PRR22: variants seen among roughly 807,000 people sequenced by gnomAD.
PRR22 encodes the protein proline-rich protein 22.
In PRR22, 5 loss-of-function variants were observed where a neutral mutation model predicts 7.2. That is an observed-to-expected ratio of 0.69 (90% CI 0.36 to 1.45). The LOEUF (loss-of-function observed/expected upper bound fraction) is 1.45, where lower values mean the gene tolerates loss of function less well. PRR22 is among the 40% of genes most tolerant of loss of function. PRR22 has a pLI of 0.03. For synonymous variants in PRR22, 319 were observed against 269.3 expected (o/e 1.18, Z -1.81); for missense variants, 619 against 568.8 (o/e 1.09, Z -0.90).
In PRR22 at chr19:5,783,647, C is replaced by T; in HGVS notation, c.600G>A (p.Leu200=). The T allele has an allele frequency of 1.9e-6, 3 of 1,581,562 alleles. No individual in the cohort carries two copies. The highest frequency in any genetic ancestry group is 4.5e-5 in the East Asian group (2 of 43,994). ...ENKPPPVLIT[L]PAEPTLPPDA... is the part of the protein sequence containing the mutation. ...CTGGGGGCAGTGTGGGCTCTGCAGG[C>T]AGCGTGATGAGTACAGGGGGCGGCT... is the stretch of plus-strand genomic sequence containing the variant. Residue 200 remains leucine (L), a synonymous_variant, in exon 3 of 3, where the codon CTG becomes CTA. Coordinates refer to ENST00000419421, the MANE Select transcript of PRR22 (RefSeq NM_001134316.2).
In PRR22 at chr19:5,783,154, G is replaced by GCTC; in HGVS notation, c.1090_1092dup (p.Glu364dup). On this transcript the variant is annotated inframe_insertion, in exon 3 of 3. Coordinates refer to ENST00000419421, the MANE Select transcript of PRR22 (RefSeq NM_001134316.2). ...GCAGGGGGCCCCGGGTGGGGCGGCT[G>GCTC]CTCCTCGTCGAGCGCCTTGAAGTTG... 2 of 1,612,550 alleles carry GCTC rather than the reference G, an allele frequency of 1.2e-6. No homozygotes were observed. The highest frequency in any genetic ancestry group is 1.7e-6 in the Non-Finnish European group (2 of 1,179,884).
intron 2 of PRR22, 32 bp downstream of exon 2, chr19:5,784,345 A>G: frequency 6.2e-7 from 1 of 1,603,840 alleles, no homozygotes; most frequent in Non-Finnish European, 8.5e-7. Context: ...ACCCACTCCC[A>G]GCCTCGTCAA....
In PRR22 at chr19:5,783,588, T is replaced by C. The variant is rs763309492; in HGVS notation, c.659A>G (p.His220Arg). ...GGCCAGGGGTTCGGGCCCAGGGAAGTGGCCGAGGTGACCCTGGAGGTGGCT... is the reference window on the plus strand; with the variant it reads ...GGCCAGGGGTTCGGGCCCAGGGAAGCGGCCGAGGTGACCCTGGAGGTGGCT... ...AYSHLQGHLG[H>R]FPGPEPLAFP... The change falls in exon 3 of 3, where the codon CAC becomes CGC. Residue 220 changes from histidine (H) to arginine (R), a missense_variant. Coordinates refer to ENST00000419421, the MANE Select transcript of PRR22 (RefSeq NM_001134316.2). 6.3e-7 allele frequency: 1 copy of C among 1,599,748 alleles called. No individual in the cohort carries two copies. The highest frequency in any genetic ancestry group is 2.3e-5 in the East Asian group (1 of 44,150).
At chr19:5,784,274 G>T (rs556298188) in intron 2 of PRR22, 103 bp downstream of exon 2, 7 of 1,261,042 alleles carry the variant, frequency 5.6e-6, no homozygotes, top group Non-Finnish European at 8.1e-6. Context: ...GGGAGCAGAG[G>T]CCATGCCTTC....
Position 5,783,752 on chromosome 19 carries a change from G to C in PRR22, c.495C>G (p.Pro165=). The change falls in exon 3 of 3, where the codon CCC becomes CCG. Residue 165 remains proline (P), a synonymous_variant. Transcript: ENST00000419421. ...GTAGGGGCAGCTCCACGAAGGCGGC[G>C]GGCCCTGCGTCCCCCACAAAACCCA... The part of the protein sequence containing the change: ...EALGFVGDAG[P]AAFVELPLPP... 2 of 1,489,744 alleles carry C rather than the reference G, an allele frequency of 1.3e-6. No homozygotes were observed. Among genetic ancestry groups the C allele is most frequent in the Admixed American group, 4.9e-5 (2 of 40,928 alleles). 92.3% of individuals were successfully genotyped at this position (1,489,744 alleles called of 1,614,324 possible).
rs752149946 is a variant in PRR22 at position 5,783,757 on chromosome 19, C to T, written c.490G>A (p.Gly164Arg). 2.7e-6 allele frequency: 4 copies of T among 1,487,190 alleles called. No individual in the cohort carries two copies. Among genetic ancestry groups the T allele is most frequent in the Non-Finnish European group, 3.6e-6 (4 of 1,117,638 alleles). The allele number at this position is 1,487,190 out of a possible 1,614,324, so 92.1% of individuals were successfully genotyped here. A position where few individuals can be genotyped will look rare whatever the true frequency, so the allele number is the denominator to read the frequency against. ...PEALGFVGDA[G>R]PAAFVELPLP... Reference sequence around the variant, plus strand: ...GGCAGCTCCACGAAGGCGGCGGGCCCTGCGTCCCCCACAAAACCCAGAGCC... The same window carrying T: ...GGCAGCTCCACGAAGGCGGCGGGCCTTGCGTCCCCCACAAAACCCAGAGCC... Residue 164 changes from glycine (G) to arginine (R), a missense_variant, in exon 3 of 3, where the codon GGG becomes AGG. Coordinates refer to ENST00000419421, the MANE Select transcript of PRR22 (RefSeq NM_001134316.2).
At position 5,783,260 on chromosome 19, in the gene PRR22, C is replaced by A; in HGVS notation, c.987G>T (p.Leu329=). 1 of 1,612,840 alleles carries A rather than the reference C, an allele frequency of 6.2e-7. No homozygotes were observed. Among genetic ancestry groups the A allele is most frequent in the Non-Finnish European group, 8.5e-7 (1 of 1,179,996 alleles). ...AGGACAGCAGCTCCTCGGGCAGGCA[C>A]AGCGAGCGGATGTCATCGGCTGAGT... ...GGNSADDIRS[L]CLPEELLSFD... is the part of the protein sequence containing the mutation. The change falls in exon 3 of 3, where the codon CTG becomes CTT. Residue 329 remains leucine (L), a synonymous_variant. Coordinates refer to ENST00000419421, the MANE Select transcript of PRR22 (RefSeq NM_001134316.2).
Position 5,783,382 on chromosome 19 carries a change from C to T in PRR22, c.865G>A (p.Ala289Thr). Residue 289 changes from alanine to threonine, a missense_variant, in exon 3 of 3, where the codon GCC becomes ACC. Coordinates refer to ENST00000419421, the MANE Select transcript of PRR22 (RefSeq NM_001134316.2). ...GGCAGGCAGTCGAAGAGCTTCATGG[C>T]GTCCTCCAGCAGAACCTTGTCAGGC... is the stretch of plus-strand genomic sequence containing the variant. Reference protein sequence around the residue: ...ALPDKVLLEDAMKLFDCLPGA... With the variant: ...ALPDKVLLEDTMKLFDCLPGA... 3 of 1,612,602 alleles carry T rather than the reference C, an allele frequency of 1.9e-6. No individual in the cohort carries two copies. The highest frequency in any genetic ancestry group is 2.5e-6 in the Non-Finnish European group (3 of 1,179,956).
Position 5,783,326 on chromosome 19 carries a change from G to A in PRR22, c.921C>T (p.Cys307=), listed in dbSNP as rs771423484. Residue 307 remains cysteine, a synonymous_variant, in exon 3 of 3, where the codon TGC becomes TGT. Transcript: ENST00000419421. ...CAGGCAGGGCCGGCCCAGGGACCTCGCACAGGGTACCCTCAGGCTCAGAGG... is the reference window on the plus strand; with the variant it reads ...CAGGCAGGGCCGGCCCAGGGACCTCACACAGGGTACCCTCAGGCTCAGAGG... ...PGASEPEGTL[C]EVPGPALPDS... 1.7e-5 allele frequency: 28 copies of A among 1,612,592 alleles called. No homozygotes were observed. Among genetic ancestry groups the A allele is most frequent in the East Asian group, 4.5e-5 (2 of 44,896 alleles).
At chr19:5,784,126 TGG>T in intron 2 of PRR22, 73 bp from the exon 3 acceptor site, 1 of 1,404,960 alleles carries the variant, frequency 7.1e-7, no homozygotes, top group Non-Finnish European at 1.0e-6. Context: ...GGGGCCTGTT[TGG>T]GAGATGCCAC....
In PRR22 at chr19:5,783,525, G is replaced by A. The variant is rs542587771; in HGVS notation, c.722C>T (p.Pro241Leu). 27 of 1,603,226 alleles carry A rather than the reference G, an allele frequency of 1.7e-5. No individual in the cohort carries two copies. The East Asian group carries it at 4.3e-4, about 25-fold the overall frequency. Residue 241 changes from proline to leucine, a missense_variant, in exon 3 of 3, where the codon CCT becomes CTT. Physicochemically the swap from Pro to Leu is moderately conservative, Grantham distance 98. Transcript: ENST00000419421. ...VKELQGSGAR[P>L]GVPLYPPGLS... ...GCCCGGTGGGTACAGGGGCACCCCA[G>A]GTCGGGCCCCACTGCCCTGCAGCTC...
intron 2 of PRR22, 46 bp from the exon 3 acceptor site, chr19:5,784,099 GGCCCAGCCCAA>G (rs1375811908): frequency 1.3e-5 from 20 of 1,563,002 alleles, no homozygotes; most frequent in Non-Finnish European, 1.8e-5. Flanking sequence ...CTGCCTGAGG[GGCCCAGCCCAA>G]GCCTGGGGGC....
At position 5,783,319 on chromosome 19, in the gene PRR22, G is replaced by T; in HGVS notation, c.928C>A (p.Pro310Thr). The T allele has an allele frequency of 6.2e-7, 1 of 1,612,772 alleles. No homozygotes were observed. Among genetic ancestry groups the T allele is most frequent in the South Asian group, 1.1e-5 (1 of 91,082 alleles). Residue 310 changes from proline (P) to threonine (T), a missense_variant, in exon 3 of 3, where the codon CCT becomes ACT. By Grantham distance (38) the Pro-to-Thr change is conservative. Coordinates refer to ENST00000419421, the MANE Select transcript of PRR22 (RefSeq NM_001134316.2). ...SEPEGTLCEV[P>T]GPALPDSSGG... Reference sequence around the variant, plus strand: ...CTGCTGTCAGGCAGGGCCGGCCCAGGGACCTCGCACAGGGTACCCTCAGGC... The same window carrying T: ...CTGCTGTCAGGCAGGGCCGGCCCAGTGACCTCGCACAGGGTACCCTCAGGC...
chr19:5,784,535 A>T lies in PRR22; in HGVS notation c.126T>A (p.Ala42=). ...CTCCCACCCACCCGATCGTACCCAT[A>T]GCGGGAGGAGGCTCGGCACAGGTGG... ...PAPTCAEPPP[A]MGSLNLYHPP... is the part of the protein sequence containing the mutation. The change falls in exon 1 of 3, where the codon GCT becomes GCA. Residue 42 remains alanine (A), a synonymous_variant. Transcript: ENST00000419421. 6.5e-7 allele frequency: 1 copy of T among 1,550,072 alleles called. No individual in the cohort carries two copies. Among genetic ancestry groups the T allele is most frequent in the Non-Finnish European group, 8.7e-7 (1 of 1,146,900 alleles).
rs751915954 is a variant in PRR22 at position 5,783,264 on chromosome 19, G to T, written c.983C>A (p.Ser328Ter). The T allele has an allele frequency of 1.2e-6, 2 of 1,612,734 alleles. No individual in the cohort carries two copies. The highest frequency in any genetic ancestry group is 1.7e-6 in the Non-Finnish European group (2 of 1,179,998). The change falls in exon 3 of 3, where the codon TCG (serine) becomes TAG (stop). Residue 328 changes from serine (S) to a stop codon, truncating the protein, a stop_gained. Coordinates refer to ENST00000419421, the MANE Select transcript of PRR22 (RefSeq NM_001134316.2). LOFTEE classifies it low-confidence loss of function (END_TRUNC). Reference protein sequence around the residue: ...SGGNSADDIRSLCLPEELLSF... With the variant: ...SGGNSADDIR ...CAGCAGCTCCTCGGGCAGGCACAGC[G>T]AGCGGATGTCATCGGCTGAGTTCCC...
Position 5,784,584 on chromosome 19 carries a change from T to C in PRR22, c.77A>G (p.Glu26Gly), listed in dbSNP as rs1204023939. The change falls in exon 1 of 3, where the codon GAG becomes GGG. Residue 26 changes from glutamate (E) to glycine (G), a missense_variant. Glu to Gly is a moderately conservative substitution (Grantham distance 98). Transcript: ENST00000419421. ...GGGAGCAGGCTGGTTGCCCAGCACC[T>C]CAGCCCCCTCCAGACTCTGCGGGCT... ...GFSPQSLEGAEVLGNQPAPTC... is the reference protein window; with the variant it reads ...GFSPQSLEGAGVLGNQPAPTC... 6.5e-7 allele frequency: 1 copy of C among 1,545,066 alleles called. No individual in the cohort carries two copies. Among genetic ancestry groups the C allele is most frequent in the African/African-American group, 1.4e-5 (1 of 72,998 alleles).
At position 5,784,728 on chromosome 19, in the gene PRR22, G is replaced by A; in HGVS notation, c.-68C>T. On this transcript the variant is annotated 5_prime_UTR_variant, in exon 1 of 3. Transcript: ENST00000419421. ...AGTGGGAGTGCAAGTGGCCCAACCGGAGAACAGGCTGAGAACCTGGTGGGG... is the reference window on the plus strand; with the variant it reads ...AGTGGGAGTGCAAGTGGCCCAACCGAAGAACAGGCTGAGAACCTGGTGGGG... The A allele has an allele frequency of 6.7e-7, 1 of 1,502,984 alleles. No individual in the cohort carries two copies. The highest frequency in any genetic ancestry group is 8.9e-7 in the Non-Finnish European group (1 of 1,129,682). The allele number at this position is 1,502,984 out of a possible 1,614,324, so 93.1% of individuals were successfully genotyped here.
At chr19:5,784,256 G>T in intron 2 of PRR22, 121 bp downstream of exon 2, 1 of 1,177,280 alleles carries the variant, frequency 8.5e-7, no homozygotes, top group Non-Finnish European at 1.3e-6. Flanking sequence ...GGACCTGTGT[G>T]AAGCATGGGG....
At chr19:5,784,312 G>T (rs753470455) in intron 2 of PRR22, 65 bp downstream of exon 2, 1 of 1,540,436 alleles carries the variant, frequency 6.5e-7, no homozygotes. Flanking sequence ...CGGGGCAGGG[G>T]CAAGATGGGC....
Sources: allele counts gnomAD v4.1 joint callset, GRCh38; gene constraint gnomAD v4.1.1; transcripts MANE v1.5; gene names NCBI Gene and HGNC (gene_info 2026-07-23, HGNC 2026-07-21).